The following ZBTB20 variants were observed in gnomAD, a reference collection of about 807,000 sequenced individuals.
ZBTB20 encodes the protein zinc finger and BTB domain-containing protein 20.
ZBTB20 carries 9 observed loss-of-function variants against 56.9 expected under a neutral mutation model. The observed-to-expected ratio is 0.16, with a 90% CI of 0.10 to 0.28. The LOEUF is 0.28. Ranked by LOEUF, ZBTB20 falls within the 10% of genes least tolerant of loss-of-function variation. The pLI, the probability that ZBTB20 is intolerant of heterozygous loss-of-function variation, is 1.00. For synonymous variants in ZBTB20, 417 were observed against 420.7 expected (o/e 0.99, Z 0.11); for missense variants, 655 against 1,003.0 (o/e 0.65, Z 4.69).
intron 7 of ZBTB20, among the ~76,000 whole-genome samples, chr3:114,398,634 GA>G: frequency 6.6e-6 from 1 of 152,100 alleles, no homozygotes; most frequent in Non-Finnish European, 1.5e-5. Context: ...AATAATCTAG[GA>G]ACATCAAGTG....
intron 5 of ZBTB20, among the ~76,000 whole-genome samples, chr3:114,700,764 C>T (rs954681354): frequency 2.0e-5 from 3 of 152,124 alleles, no homozygotes; most frequent in Admixed American, 1.3e-4. Flanking sequence ...AAAGAGTCCT[C>T]TGACATGAGA....
intron 5 of ZBTB20, among the ~76,000 whole-genome samples, chr3:114,765,743 T>G (rs1291204705): frequency 6.6e-6 from 1 of 152,168 alleles, no homozygotes; most frequent in African/African-American, 2.4e-5. Flanking sequence ...TAAGATTCAT[T>G]GCAGAAAACG....
intron 2 of ZBTB20, among the ~76,000 whole-genome samples, chr3:115,003,738 G>C (rs936510775): frequency 1.3e-5 from 2 of 151,526 alleles, no homozygotes; most frequent in African/African-American, 4.8e-5. Flanking sequence ...AGTGTCAGGT[G>C]ACAGGCATGT....
Position 114,338,964 on chromosome 3 carries a change from G to GC in ZBTB20, c.*40_*41insG. The GC allele has an allele frequency of 6.9e-7, 1 of 1,455,742 alleles. No homozygotes were observed. The highest frequency in any genetic ancestry group is 9.1e-7 in the Non-Finnish European group (1 of 1,098,320). The allele number at this position is 1,455,742 out of a possible 1,614,324, so 90.2% of individuals were successfully genotyped here. The stretch of plus-strand genomic sequence containing the variant: ...CTTTTTTGTTTGTTTGTTTTTTGTT[G>GC]TTGTTTTGTTTTGTTCATAAGAAAG... On this transcript the variant is annotated 3_prime_UTR_variant, in exon 12 of 12. Transcript: ENST00000675478.
chr3:114,472,553 T>C (rs1157171768), intron 7 of ZBTB20, among the ~76,000 whole-genome samples: 1 of 152,032 alleles, frequency 6.6e-6, no homozygotes, highest in African/African-American at 2.4e-5. Context: ...TTACTAAATA[T>C]AAAACTTAGC....
At chr3:114,550,348 A>T (rs190864637) in intron 6 of ZBTB20, among the ~76,000 whole-genome samples, 135 of 152,272 alleles carry the variant, frequency 8.9e-4, no homozygotes, top group African/African-American at 3.0e-3. Context: ...TCATATTTAC[A>T]TCACTTTTTC....
chr3:114,984,782 T>A (rs554910980), intron 2 of ZBTB20, among the ~76,000 whole-genome samples: 1 of 152,162 alleles, frequency 6.6e-6, no homozygotes, highest in African/African-American at 2.4e-5. Context: ...GGAGCTAATT[T>A]AATGTCCTGT....
chr3:114,498,380 G>A (rs2043534989), intron 7 of ZBTB20, among the ~76,000 whole-genome samples: 1 of 152,162 alleles, frequency 6.6e-6, no homozygotes, highest in South Asian at 2.1e-4. Flanking sequence ...CCTGTTTAGA[G>A]GAGGCCATTG....
At chr3:114,503,508 T>C (rs1248726090) in intron 6 of ZBTB20, among the ~76,000 whole-genome samples, 1 of 152,254 alleles carries the variant, frequency 6.6e-6, no homozygotes, top group Non-Finnish European at 1.5e-5. Flanking sequence ...ATTTCATTGA[T>C]ACATGCTCTT....
At position 114,363,577 on chromosome 3, in the gene ZBTB20, C is replaced by T. The variant is rs150424374; in HGVS notation, c.200-11699G>A. 1.8e-4 allele frequency among the ~76,000 whole-genome samples: 27 copies of T among 152,146 alleles called. No individual in the cohort carries two copies. The East Asian group carries it at 3.5e-3, about 20-fold the overall frequency. ...ACTATTCCTTTATGGACCTGTTATC[C>T]CACCTGTAAAACAAAGGTGTGTATG... is the stretch of plus-strand genomic sequence containing the variant. On this transcript the variant is annotated intron_variant, in intron 10 of 11. Transcript: ENST00000675478.
intron 3 of ZBTB20, among the ~76,000 whole-genome samples, chr3:114,942,325 T>G (rs1560422118): frequency 6.9e-6 from 1 of 145,926 alleles, no homozygotes; most frequent in Admixed American, 6.6e-5. Flanking sequence ...GAAATTACTA[T>G]AAGCATTCAA....
chr3:114,500,145 T>G (rs1339447485), intron 7 of ZBTB20, among the ~76,000 whole-genome samples: 1 of 152,214 alleles, frequency 6.6e-6, no homozygotes, highest in Non-Finnish European at 1.5e-5. Flanking sequence ...GTACAGTATC[T>G]GGGCCACTGG....
chr3:114,757,667 A>G (rs1164123149), intron 5 of ZBTB20, among the ~76,000 whole-genome samples: 4 of 152,170 alleles, frequency 2.6e-5, no homozygotes, highest in East Asian at 1.9e-4. Context: ...TTTAAAAAAT[A>G]TATTTTCTAA....
chr3:114,730,217 TGTGTGTATGTGTGAAA>T (rs1159895718), intron 5 of ZBTB20, among the ~76,000 whole-genome samples: 3 of 152,046 alleles, frequency 2.0e-5, no homozygotes, highest in Non-Finnish European at 4.4e-5. Context: ...TGTGTGTGTG[TGTGTGTATGTGTGAAA>T]AATCAGAACT....
At chr3:114,875,892 A>G (rs1275956659) in intron 4 of ZBTB20, among the ~76,000 whole-genome samples, 4 of 152,162 alleles carry the variant, frequency 2.6e-5, no homozygotes, top group African/African-American at 7.2e-5. Flanking sequence ...TAAATCTCCT[A>G]TCCCCCAAAT....
chr3:114,554,506 G>A (rs2050964453), intron 6 of ZBTB20, among the ~76,000 whole-genome samples: 1 of 152,008 alleles, frequency 6.6e-6, no homozygotes, highest in South Asian at 2.1e-4. Context: ...CCATCTCTAA[G>A]GTAAGAATAA....
At chr3:115,121,216 C>T (rs904860881) in intron 1 of ZBTB20, among the ~76,000 whole-genome samples, 3 of 151,968 alleles carry the variant, frequency 2.0e-5, no homozygotes, top group African/African-American at 7.2e-5. Context: ...GGCTGATTTA[C>T]TTTATTTTCT....
chr3:114,522,510 T>C (rs2046759000), intron 6 of ZBTB20, among the ~76,000 whole-genome samples: 1 of 152,180 alleles, frequency 6.6e-6, no homozygotes, highest in East Asian at 1.9e-4. Flanking sequence ...TGAAATTACA[T>C]TACATATATT....
intron 6 of ZBTB20, among the ~76,000 whole-genome samples, chr3:114,655,488 A>G (rs1419176777): frequency 4.0e-5 from 6 of 150,452 alleles, no homozygotes; most frequent in East Asian, 3.9e-4. Context: ...TCCTGACCTC[A>G]TGATCCACCC....
Sources: allele counts gnomAD v4.1 joint callset (sites outside exome capture counted in the v4.1 genomes callset), GRCh38; gene constraint gnomAD v4.1.1; transcripts MANE v1.5; gene names NCBI Gene and HGNC (gene_info 2026-07-23, HGNC 2026-07-21).